ITGA11: variants seen among roughly 807,000 people sequenced by gnomAD.
ITGA11 encodes integrin alpha-11.
In ITGA11, 97 loss-of-function variants were observed where a neutral mutation model predicts 141.9. The ratio of observed to expected loss-of-function variants is 0.68; its 90% CI spans 0.58 to 0.81. The LOEUF (loss-of-function observed/expected upper bound fraction) is 0.81. ITGA11 is among the 30% of genes least tolerant of loss of function. The probability of loss-of-function intolerance (pLI) is 0.00; values close to 1 mark genes in which losing one functional copy is unlikely to be tolerated. For missense variants in ITGA11, 1,387 were observed against 1,559.2 expected, an observed-to-expected ratio of 0.89 and a Z score of 1.86; for synonymous variants, 658 against 624.6, an observed-to-expected ratio of 1.05 and a Z score of -0.80.
At chr15:68,382,587 C>A (rs1157830354) in intron 2 of ITGA11, among the ~76,000 whole-genome samples, 1 of 152,220 alleles carries the variant, frequency 6.6e-6, no homozygotes, top group Non-Finnish European at 1.5e-5. Flanking sequence ...CCTATGCCAA[C>A]CCCTGAAGAG....
intron 22 of ITGA11, 114 bp from the exon 23 acceptor site, chr15:68,313,982 C>T: frequency 1.3e-6 from 1 of 785,740 alleles, no homozygotes; most frequent in Non-Finnish European, 2.1e-6. Context: ...GGCTGATGGG[C>T]ACCAGACAGG....
At chr15:68,411,328 C>A (rs1346929517) in intron 1 of ITGA11, among the ~76,000 whole-genome samples, 1 of 152,222 alleles carries the variant, frequency 6.6e-6, no homozygotes, top group African/African-American at 2.4e-5. Flanking sequence ...CCTGGAGAGG[C>A]CTCACCCAGG....
Position 68,303,835 on chromosome 15 carries a change from G to A in ITGA11, c.3432C>T (p.Ile1144=). 6.2e-7 allele frequency: 1 copy of A among 1,613,268 alleles called. No individual in the cohort carries two copies. The highest frequency in any genetic ancestry group is 8.5e-7 in the Non-Finnish European group (1 of 1,179,496). The stretch of plus-strand genomic sequence containing the variant: ...GGCCCCCCAGGGTGCTGCCTACAAT[G>A]ATCCAGATGGGGACCTGCCAGTCCT... ...KQEDWQVPIW[I]IVGSTLGGLL... is the part of the protein sequence containing the mutation. The change falls in exon 29 of 30, where the codon ATC becomes ATT. Residue 1144 remains isoleucine, a synonymous_variant. Transcript: ENST00000315757. The surrounding 1 kb of genome is among the most constrained non-coding windows in gnomAD (Gnocchi z 5.3).
Position 68,383,923 on chromosome 15 carries a change from C to G in ITGA11, c.165-14639G>C, listed in dbSNP as rs374258912. Among the ~76,000 whole-genome samples, 10 of 152,238 alleles carry G rather than the reference C, an allele frequency of 6.6e-5. No homozygotes were observed. In the East Asian group the frequency reaches 1.5e-3, roughly 24 times the overall value. ...TGGGGGAGTGGGAAGAGACGGGTGG[C>G]AAAGATGCTGAGTTGGCAAACCCCT... On this transcript the variant is annotated intron_variant, in intron 2 of 29. Transcript: ENST00000315757.
chr15:68,364,667 CTGCCT>C, intron 4 of ITGA11, 35 bp downstream of exon 4: 7 of 1,428,136 alleles, frequency 4.9e-6, no homozygotes, highest in Non-Finnish European at 6.9e-6. Context: ...ACCCCCACCC[CTGCCT>C]CTCCTGACCC....
chr15:68,351,199 G>T, intron 8 of ITGA11, 59 bp downstream of exon 8: 4 of 1,590,442 alleles, frequency 2.5e-6, no homozygotes, highest in Non-Finnish European at 3.4e-6. Flanking sequence ...AGTCCCCAGG[G>T]ATTTGATGGT....
At position 68,339,594 on chromosome 15, in the gene ITGA11, C is replaced by T. The variant is rs370518412; in HGVS notation, c.1182G>A (p.Val394=). 20 of 1,613,876 alleles carry T rather than the reference C, an allele frequency of 1.2e-5. 1 individual carries two copies. The highest frequency in any genetic ancestry group is 2.2e-5 in the South Asian group (2 of 91,088). The change falls in exon 11 of 30, where the codon GTG becomes GTA. Residue 394 remains valine, a synonymous_variant. Coordinates refer to ENST00000315757, the MANE Select transcript of ITGA11 (RefSeq NM_001004439.2). ...CCTTCCCGGCACTCGTCTCCTTTAG[C>T]ACAGCTCCATTCCAGTCATAGGCAC... ...AVGAYDWNGA[V]LKETSAGKVI...
At chr15:68,360,828 T>G (rs1273048297) in intron 5 of ITGA11, among the ~76,000 whole-genome samples, 1 of 152,186 alleles carries the variant, frequency 6.6e-6, no homozygotes, top group Non-Finnish European at 1.5e-5. Context: ...GCTGGACTGA[T>G]GCTTCCTCCT....
rs377279143 is a variant in ITGA11, at chr15:68,310,943, G to A, written c.3174+51C>T. ...GGGAAATGGCCCGCAGAGCACCGGC[G>A]GCACGCCTCTAACCCCAACCACTGT... is the stretch of plus-strand genomic sequence containing the variant. On this transcript the variant is annotated intron_variant, in intron 26 of 29. Coordinates refer to ENST00000315757, the MANE Select transcript of ITGA11 (RefSeq NM_001004439.2). 51 of 1,412,386 alleles carry A rather than the reference G, an allele frequency of 3.6e-5. No homozygotes were observed. The African/African-American group carries it at 3.7e-4, about 10-fold the overall frequency. The allele number at this position is 1,412,386 out of a possible 1,614,324, so 87.5% of individuals were successfully genotyped here.
intron 1 of ITGA11, among the ~76,000 whole-genome samples, chr15:68,422,333 G>A (rs1897038469): frequency 6.6e-6 from 1 of 152,114 alleles, no homozygotes; most frequent in Non-Finnish European, 1.5e-5. Flanking sequence ...ATCCTCTCAT[G>A]CCTCTCTTCA....
chr15:68,354,186 TTG>T (rs1201554866), intron 7 of ITGA11, among the ~76,000 whole-genome samples: 1 of 151,590 alleles, frequency 6.6e-6, no homozygotes, highest in Non-Finnish European at 1.5e-5. Flanking sequence ...TATTTATTTA[TTG>T]TCTGCCCCTC....
intron 2 of ITGA11, among the ~76,000 whole-genome samples, chr15:68,377,931 A>G (rs1363817738): frequency 6.6e-6 from 1 of 152,184 alleles, no homozygotes; most frequent in Non-Finnish European, 1.5e-5. Flanking sequence ...GGGATGCTGG[A>G]ATCTCCTGCC....
Position 68,304,848 on chromosome 15 carries a change from C to T in ITGA11, c.3382-963G>A, listed in dbSNP as rs1178867250. On this transcript the variant is annotated intron_variant, in intron 28 of 29. Transcript: ENST00000315757. This position sits in a 1 kb window ranked among gnomAD's most constrained non-coding sequence, Gnocchi z 6.1. Reference sequence around the variant, plus strand: ...ACGGAGCCCAGCAGCAAAGTCTGTCCATTCTACCTTGGAAACACCTGGAAT... The same window carrying T: ...ACGGAGCCCAGCAGCAAAGTCTGTCTATTCTACCTTGGAAACACCTGGAAT... Among the ~76,000 whole-genome samples the T allele has an allele frequency of 1.3e-5, 2 of 152,260 alleles. No homozygotes were observed. The highest frequency in any genetic ancestry group is 4.8e-5 in the African/African-American group (2 of 41,472).
intron 10 of ITGA11, among the ~76,000 whole-genome samples, chr15:68,344,516 G>A (rs1034475881): frequency 1.3e-5 from 2 of 152,134 alleles, no homozygotes; most frequent in Non-Finnish European, 2.9e-5. Flanking sequence ...ATGGGCACAG[G>A]CTGAAGAGGC....
chr15:68,346,461 C>G (rs1894747148), intron 10 of ITGA11, among the ~76,000 whole-genome samples: 1 of 152,178 alleles, frequency 6.6e-6, no homozygotes, highest in South Asian at 2.1e-4. Context: ...GGACAGTGAG[C>G]TGATTATTTA....
In ITGA11 at chr15:68,326,725, G is replaced by GGTCC; in HGVS notation, c.2136_2139dup (p.Arg714GlyfsTer18). 6.3e-7 allele frequency: 1 copy of GGTCC among 1,583,700 alleles called. No individual in the cohort carries two copies. Among genetic ancestry groups the GGTCC allele is most frequent in the Non-Finnish European group, 8.6e-7 (1 of 1,164,920 alleles). ...AGCAGTACGGCTCTGTTGGTGAATC[G>GGTCC]GTCCCCGCCCTCGTCCAGGTGGGCC... On this transcript the variant is annotated frameshift_variant, in exon 17 of 30. Transcript: ENST00000315757. LOFTEE classifies it high-confidence loss of function. This position sits in a 1 kb window ranked among gnomAD's most constrained non-coding sequence, Gnocchi z 6.8.
At chr15:68,387,663 C>A (rs1033747163) in intron 2 of ITGA11, among the ~76,000 whole-genome samples, 4 of 152,084 alleles carry the variant, frequency 2.6e-5, no homozygotes, top group African/African-American at 4.8e-5. Flanking sequence ...CCCTTACATC[C>A]GCTGGGCTCC....
chr15:68,417,235 C>G (rs150278204), intron 1 of ITGA11, among the ~76,000 whole-genome samples: 10 of 152,142 alleles, frequency 6.6e-5, no homozygotes, highest in African/African-American at 4.8e-5. Context: ...GGAAAAGGAA[C>G]CCAGGTTTTC....
rs1555445282 is a variant in ITGA11 at position 68,307,848 on chromosome 15, C to T, written c.3175-152G>A. ...TTGGGAGTGGGGGACATGTGCATTG[C>T]GTCTGCCAGGGGATGACTGAAGGAC... On this transcript the variant is annotated intron_variant, in intron 26 of 29. Coordinates refer to ENST00000315757, the MANE Select transcript of ITGA11 (RefSeq NM_001004439.2). The surrounding 1 kb of genome is among the most constrained non-coding windows in gnomAD (Gnocchi z 6.1). Among the ~76,000 whole-genome samples, 1 of 152,086 alleles carries T rather than the reference C, an allele frequency of 6.6e-6. No homozygotes were observed. Among genetic ancestry groups the T allele is most frequent in the African/African-American group, 2.4e-5 (1 of 41,410 alleles).
Sources: gnomAD v4.1 joint callset for allele counts (sites outside exome capture counted in the v4.1 genomes callset) on GRCh38, gnomAD v4.1.1 for gene constraint, Gnocchi (gnomAD v3.1) non-coding constraint, MANE v1.5 for transcripts, NCBI Gene and HGNC (gene_info 2026-07-23, HGNC 2026-07-21) for gene names.